Variants in CD4 observed in about 807,000 individuals in gnomAD.
CD4 encodes the protein CD4 molecule, also known as T-cell surface glycoprotein CD4.
Under a neutral mutation model 50.5 loss-of-function variants are expected in CD4, and 25 were observed. The observed-to-expected ratio is 0.49, with a 90% confidence interval of 0.36 to 0.69. CD4 has a LOEUF of 0.69. CD4 is among the 30% of genes least tolerant of loss of function. The pLI is 0.00. For missense variants in CD4, 456 were observed against 548.5 expected (o/e 0.83, Z 1.68); for synonymous variants, 207 against 221.9 (o/e 0.93, Z 0.60).
intron 1 of CD4, among the ~76,000 whole-genome samples, chr12:6,793,798 C>G (rs140838913): frequency 6.6e-6 from 1 of 150,792 alleles, no homozygotes; most frequent in Non-Finnish European, 1.5e-5. Flanking sequence ...TACAGGCGCC[C>G]GCCACCATCC....
At chr12:6,800,949 A>C (rs1942526443) in intron 3 of CD4, among the ~76,000 whole-genome samples, 1 of 151,894 alleles carries the variant, frequency 6.6e-6, no homozygotes, top group African/African-American at 2.4e-5. Context: ...TCTATCACCC[A>C]GGCTCCAGTG....
Position 6,816,130 on chromosome 12 carries a change from A to G in CD4, c.682A>G (p.Thr228Ala). Residue 228 changes from threonine to alanine, a missense_variant, in exon 6 of 10, where the codon ACA becomes GCA. Transcript: ENST00000011653. This position sits in a 1 kb window ranked among gnomAD's most constrained non-coding sequence, Gnocchi z 4.9. ...QVEFSFPLAF[T>A]VEKLTGSGEL... ...GGAGTTCTCCTTCCCACTCGCCTTT[A>G]CAGTTGAAAAGCTGACGGGCAGTGG... 1.2e-6 allele frequency: 2 copies of G among 1,614,102 alleles called. No individual in the cohort carries two copies. Among genetic ancestry groups the G allele is most frequent in the Admixed American group, 1.7e-5 (1 of 60,018 alleles).
At position 6,800,098 on chromosome 12, in the gene CD4, C is replaced by G. The variant is rs1555114943; in HGVS notation, c.-41C>G. The G allele has an allele frequency of 6.3e-7, 1 of 1,592,926 alleles. No individual in the cohort carries two copies. Among genetic ancestry groups the G allele is most frequent in the Non-Finnish European group, 8.6e-7 (1 of 1,161,354 alleles). On this transcript the variant is annotated 5_prime_UTR_variant, in exon 2 of 10. Coordinates refer to ENST00000011653, the MANE Select transcript of CD4 (RefSeq NM_000616.5). The stretch of plus-strand genomic sequence containing the variant: ...CCCTGCCATTTCTGTGGGCTCAGGT[C>G]CCTACTGGCTCAGGCCCCTGCCTCC...
At chr12:6,817,919 G>A (rs978190551) in intron 7 of CD4, among the ~76,000 whole-genome samples, 2 of 150,410 alleles carry the variant, frequency 1.3e-5, no homozygotes, top group African/African-American at 2.5e-5. Flanking sequence ...ACACACTGTC[G>A]TACACGTACA....
chr12:6,811,478 TTC>T (rs1229433461), intron 3 of CD4, among the ~76,000 whole-genome samples: 1 of 142,562 alleles, frequency 7.0e-6, no homozygotes, highest in African/African-American at 2.9e-5. Context: ...CTTTTCTTTT[TTC>T]TTTTCTTTTT....
intron 3 of CD4, among the ~76,000 whole-genome samples, chr12:6,809,513 C>A (rs1555116711): frequency 6.6e-6 from 1 of 151,718 alleles, no homozygotes; most frequent in South Asian, 2.1e-4. Context: ...AAAAAATGTT[C>A]TAGTTTCTTC....
rs782605332 is a variant in CD4, at chr12:6,814,054, A to G, written c.215-88A>G. On this transcript the variant is annotated intron_variant, in intron 3 of 9. Transcript: ENST00000011653. The stretch of plus-strand genomic sequence containing the variant: ...AGATGTTGCAGGAAATTAGCAACTG[A>G]TATCAGAAGAGCCGTGGGCATTCTC... 5 of 1,145,066 alleles carry G rather than the reference A, an allele frequency of 4.4e-6. No homozygotes were observed. In the East Asian group the frequency reaches 1.2e-4, roughly 27 times the overall value. The allele number at this position is 1,145,066 out of a possible 1,614,324, so 70.9% of individuals were successfully genotyped here.
chr12:6,818,853 G>A lies in CD4; in HGVS notation c.1285G>A (p.Ala429Thr). ...CVRCRHRRRQ[A>T]ERMSQIKRLL... ...CTTTCTTGTCCCTGGACAGCGCCAA[G>A]CAGAGCGGATGTCTCAGATCAAGAG... is the stretch of plus-strand genomic sequence containing the variant. Residue 429 changes from alanine to threonine, a missense_variant, in exon 9 of 10, where the codon GCA (alanine) becomes ACA (threonine). Transcript: ENST00000011653. The surrounding 1 kb of genome is among the most constrained non-coding windows in gnomAD (Gnocchi z 5.0). 6.2e-7 allele frequency: 1 copy of A among 1,613,608 alleles called. No homozygotes were observed. The highest frequency in any genetic ancestry group is 8.5e-7 in the Non-Finnish European group (1 of 1,179,648).
In CD4 at chr12:6,792,977, A is replaced by AAG. The variant is rs948388377; in HGVS notation, c.-68+3327_-68+3328dup. Among the ~76,000 whole-genome samples, 1 of 151,640 alleles carries AAG rather than the reference A, an allele frequency of 6.6e-6. No homozygotes were observed. Among genetic ancestry groups the AAG allele is most frequent in the African/African-American group, 2.4e-5 (1 of 41,298 alleles). On this transcript the variant is annotated intron_variant, in intron 1 of 9. Transcript: ENST00000011653. This position sits in a 1 kb window ranked among gnomAD's most constrained non-coding sequence, Gnocchi z 4.1. The stretch of plus-strand genomic sequence containing the variant: ...GCAAGGAGGGAGAGAGAGAGACAGA[A>AAG]AGAGAGAGAGAGACGTGCCAGGGCT...
chr12:6,814,121 C>G (rs200263206), intron 3 of CD4, 21 bp from the exon 4 acceptor site: 26 of 1,611,244 alleles, frequency 1.6e-5, no homozygotes, highest in Admixed American at 5.0e-5. Context: ...CAGTCCCCCC[C>G]CATATGTCTT....
intron 3 of CD4, among the ~76,000 whole-genome samples, chr12:6,805,246 A>G (rs1353029007): frequency 6.6e-6 from 1 of 150,780 alleles, no homozygotes; most frequent in Non-Finnish European, 1.5e-5. Context: ...AGAGAGAAAG[A>G]AATACTTAGG....
chr12:6,814,684 T>A, intron 4 of CD4, 75 bp from the exon 5 acceptor site: 1 of 1,067,872 alleles, frequency 9.4e-7, no homozygotes, highest in Non-Finnish European at 1.5e-6. Flanking sequence ...TGGAGAGATG[T>A]TGTTGGTTTC....
chr12:6,818,301 C>A lies in CD4; in HGVS notation c.1157-120C>A. 9.2e-6 allele frequency: 12 copies of A among 1,302,408 alleles called. No homozygotes were observed. Among genetic ancestry groups the A allele is most frequent in the East Asian group, 2.3e-5 (1 of 42,770 alleles). The allele number at this position is 1,302,408 out of a possible 1,614,324, so 80.7% of individuals were successfully genotyped here. A position where few individuals can be genotyped will look rare whatever the true frequency, so the allele number is the denominator to read the frequency against. ...CCTTTGAGAGCCCCCAGGCACCCCT[C>A]CCCTCTCCCCCAACCCCAGGGTCAA... On this transcript the variant is annotated intron_variant, in intron 7 of 9. Transcript: ENST00000011653. This position sits in a 1 kb window ranked among gnomAD's most constrained non-coding sequence, Gnocchi z 5.0.
chr12:6,817,806 C>T (rs915369212), intron 7 of CD4, among the ~76,000 whole-genome samples: 1 of 150,552 alleles, frequency 6.6e-6, no homozygotes, highest in Non-Finnish European at 1.5e-5. Flanking sequence ...ACCCCATGTA[C>T]TCACACCCAT....
chr12:6,809,452 C>A (rs145560056), intron 3 of CD4, among the ~76,000 whole-genome samples: 84 of 151,868 alleles, frequency 5.5e-4, no homozygotes, highest in African/African-American at 1.8e-3. Context: ...GCCGTGATTG[C>A]GCCACTGCAC....
intron 3 of CD4, among the ~76,000 whole-genome samples, chr12:6,804,111 AAAATAAATAAATAAATAAATAAATAAAT>A (rs141689932): frequency 6.9e-6 from 1 of 144,610 alleles, no homozygotes; most frequent in African/African-American, 2.6e-5. Context: ...ACTCTGTCTC[AAAATAAATAAATAAATAAATAAATAAAT>A]AAATAAATAA....
Position 6,816,485 on chromosome 12 carries a change from GC to G in CD4, c.955+86del, listed in dbSNP as rs1943088052. ...CAGGGCTCCCTCTGAGGCAAGCCAG[GC>G]CCCAAGAGGGGATGCCTAGGCCCTG... On this transcript the variant is annotated intron_variant, in intron 6 of 9. Coordinates refer to ENST00000011653, the MANE Select transcript of CD4 (RefSeq NM_000616.5). This position sits in a 1 kb window ranked among gnomAD's most constrained non-coding sequence, Gnocchi z 4.9. The G allele has an allele frequency of 8.7e-7, 1 of 1,146,428 alleles. No individual in the cohort carries two copies. Among genetic ancestry groups the G allele is most frequent in the Non-Finnish European group, 1.2e-6 (1 of 817,306 alleles). The allele number at this position is 1,146,428 out of a possible 1,614,324, so 71.0% of individuals were successfully genotyped here.
At chr12:6,809,537 C>T (rs1448860462) in intron 3 of CD4, among the ~76,000 whole-genome samples, 2 of 152,056 alleles carry the variant, frequency 1.3e-5, no homozygotes, top group African/African-American at 4.8e-5. Flanking sequence ...TTCTTTGTTC[C>T]CATGGGAATG....
Position 6,818,726 on chromosome 12 carries a change from T to C in CD4, c.1279-121T>C. The C allele has an allele frequency of 8.5e-7, 1 of 1,178,532 alleles. No individual in the cohort carries two copies. The highest frequency in any genetic ancestry group is 1.3e-6 in the Non-Finnish European group (1 of 791,306). 73.0% of individuals were successfully genotyped at this position (1,178,532 alleles called of 1,614,324 possible). A position where few individuals can be genotyped will look rare whatever the true frequency, so the allele number is the denominator to read the frequency against. On this transcript the variant is annotated intron_variant, in intron 8 of 9. Coordinates refer to ENST00000011653, the MANE Select transcript of CD4 (RefSeq NM_000616.5). This position sits in a 1 kb window ranked among gnomAD's most constrained non-coding sequence, Gnocchi z 5.0. ...AAGGAGCAGAGAGTTAATTCCAGGA[T>C]AGATGGCCTGGGCCATGTAACTGCT... is the stretch of plus-strand genomic sequence containing the variant.
Sources: allele counts gnomAD v4.1 joint callset (sites outside exome capture counted in the v4.1 genomes callset), GRCh38; gene constraint gnomAD v4.1.1; non-coding constraint Gnocchi (gnomAD v3.1); transcripts MANE v1.5; gene names NCBI Gene and HGNC (gene_info 2026-07-23, HGNC 2026-07-21).